POLR3A: variants seen among roughly 807,000 people sequenced by gnomAD.
POLR3A encodes the protein RNA polymerase III subunit A, also known as DNA-directed RNA polymerase III subunit RPC1.
Under a neutral mutation model 152.8 loss-of-function variants are expected in POLR3A, and 112 were observed. That is an observed-to-expected ratio of 0.73 (90% confidence interval 0.63 to 0.86). The LOEUF (loss-of-function observed/expected upper bound fraction) is 0.86, where lower values mean the gene tolerates loss of function less well. Ranked by LOEUF, POLR3A falls within the 40% of genes least tolerant of loss-of-function variation. The pLI is 0.00. For missense variants in POLR3A, 1,385 were observed against 1,743.1 expected (o/e 0.79, Z 3.66); for synonymous variants, 615 against 652.1 (o/e 0.94, Z 0.87).
At chr10:78,021,831 G>A in intron 7 of POLR3A, 29 bp downstream of exon 7, 1 of 1,612,806 alleles carries the variant, frequency 6.2e-7, no homozygotes. Context: ...AGAGTGGGCT[G>A]GCTTCTGCAC....
intron 15 of POLR3A, among the ~76,000 whole-genome samples, chr10:78,006,767 T>C (rs181017864): frequency 5.9e-5 from 9 of 152,186 alleles, no homozygotes; most frequent in African/African-American, 1.4e-4. Context: ...CAAAGGTATA[T>C]TGTTGTGAAC....
At chr10:78,012,847 G>C (rs1050393082) in intron 11 of POLR3A, among the ~76,000 whole-genome samples, 2 of 152,058 alleles carry the variant, frequency 1.3e-5, no homozygotes, top group African/African-American at 4.8e-5. Context: ...TCAGCTTCCT[G>C]AGTAGCTGGG....
intron 15 of POLR3A, among the ~76,000 whole-genome samples, chr10:78,007,122 A>G (rs1221893527): frequency 6.6e-6 from 1 of 152,162 alleles, no homozygotes; most frequent in Non-Finnish European, 1.5e-5. Flanking sequence ...GAACGACAAT[A>G]CCTGTTAACA....
chr10:77,991,671 C>T (rs1211964432), intron 20 of POLR3A, among the ~76,000 whole-genome samples: 6 of 152,044 alleles, frequency 3.9e-5, no homozygotes, highest in East Asian at 3.9e-4. Context: ...TACAGGCATG[C>T]GCCACCACGT....
Position 78,000,020 on chromosome 10 carries a change from G to A in POLR3A, c.2577C>T (p.Val859=), listed in dbSNP as rs142657005. ...TTTCAGCTGTCTTTACAGCCGTGTC[G>A]ACTAGACCTTCCCGGCCGGCCATTG... ...FHTMAGREGL[V]DTAVKTAETG... is the part of the protein sequence containing the mutation. Residue 859 remains valine, a synonymous_variant, in exon 19 of 31, where the codon GTC becomes GTT. Coordinates refer to ENST00000372371, the MANE Select transcript of POLR3A (RefSeq NM_007055.4). The A allele has an allele frequency of 5.6e-6, 9 of 1,613,916 alleles. No homozygotes were observed. The highest frequency in any genetic ancestry group is 5.3e-5 in the African/African-American group (4 of 74,898).
At chr10:78,024,939 C>A in intron 4 of POLR3A, 32 bp downstream of exon 4, 1 of 1,610,102 alleles carries the variant, frequency 6.2e-7, no homozygotes, top group Non-Finnish European at 8.5e-7. Flanking sequence ...GTGAAAAGGG[C>A]TATTGCTTAG....
At chr10:77,978,397 G>A (rs920351843) in intron 30 of POLR3A, among the ~76,000 whole-genome samples, 2 of 152,186 alleles carry the variant, frequency 1.3e-5, no homozygotes, top group African/African-American at 4.8e-5. Context: ...GAAGGACCAG[G>A]AGGAGGGGAA....
At chr10:78,027,771 C>G (rs1847651536) in intron 1 of POLR3A, among the ~76,000 whole-genome samples, 1 of 152,150 alleles carries the variant, frequency 6.6e-6, no homozygotes, top group African/African-American at 2.4e-5. Flanking sequence ...ATTGGCCAGT[C>G]TGGTCTTGAA....
chr10:78,016,616 A>T (rs2131954656), intron 10 of POLR3A, among the ~76,000 whole-genome samples: 1 of 151,846 alleles, frequency 6.6e-6, no homozygotes, highest in African/African-American at 2.4e-5. Context: ...TGAGAGGCTA[A>T]GGCAGGAGAC....
chr10:78,024,859 C>T, intron 4 of POLR3A, 112 bp downstream of exon 4: 1 of 1,442,194 alleles, frequency 6.9e-7, no homozygotes, highest in South Asian at 1.2e-5. Context: ...GCTCTTAAGC[C>T]TAATTTATAA....
At chr10:78,022,430 T>C (rs1039337950) in intron 5 of POLR3A, 46 bp from the exon 6 acceptor site, 2 of 1,605,806 alleles carry the variant, frequency 1.2e-6, no homozygotes, top group Non-Finnish European at 1.7e-6. Flanking sequence ...ATGTTAGTTT[T>C]CCATAGCTTG....
chr10:77,983,879 A>G (rs761002672), intron 26 of POLR3A, 41 bp downstream of exon 26: 15 of 1,279,376 alleles, frequency 1.2e-5, no homozygotes, highest in South Asian at 9.6e-5. Flanking sequence ...TCTTGGGACT[A>G]ACAGGATGAC....
chr10:77,996,339 C>A (rs572336810), intron 19 of POLR3A, among the ~76,000 whole-genome samples: 1 of 152,008 alleles, frequency 6.6e-6, no homozygotes, highest in Non-Finnish European at 1.5e-5. Context: ...ACTAGAGACA[C>A]AAAAAACCCT....
intron 11 of POLR3A, among the ~76,000 whole-genome samples, chr10:78,011,257 C>G (rs1847463972): frequency 6.6e-6 from 1 of 152,108 alleles, no homozygotes; most frequent in South Asian, 2.1e-4. Flanking sequence ...ACAATGATGA[C>G]AGAACTGTTA....
At chr10:77,989,641 C>T (rs868058480) in intron 21 of POLR3A, among the ~76,000 whole-genome samples, 14 of 152,238 alleles carry the variant, frequency 9.2e-5, no homozygotes, top group East Asian at 5.8e-4. Flanking sequence ...TTGCCAGAAC[C>T]GGGACAGAAA....
chr10:78,013,799 C>T lies in POLR3A; in HGVS notation c.1432-9G>A, dbSNP rs770419842. ...TGGGGCTTGACCCTGGCCTGTGGAA[C>T]ACAAAACAAAACAAAACAGGAAGAG... On this transcript the variant is annotated splice_polypyrimidine_tract_variant and intron_variant, in intron 10 of 30. Coordinates refer to ENST00000372371, the MANE Select transcript of POLR3A (RefSeq NM_007055.4). 6.2e-7 allele frequency: 1 copy of T among 1,614,034 alleles called. No homozygotes were observed. The highest frequency in any genetic ancestry group is 2.2e-5 in the East Asian group (1 of 44,886).
Position 78,025,686 on chromosome 10 carries a change from T to C in POLR3A, c.254A>G (p.Tyr85Cys). The C allele has an allele frequency of 3.7e-6, 6 of 1,613,996 alleles. No homozygotes were observed. Among genetic ancestry groups the C allele is most frequent in the Non-Finnish European group, 5.1e-6 (6 of 1,179,886 alleles). Residue 85 changes from tyrosine (Y) to cysteine (C), a missense_variant, in exon 3 of 31, where the codon TAT (tyrosine) becomes TGT (cysteine). Coordinates refer to ENST00000372371, the MANE Select transcript of POLR3A (RefSeq NM_007055.4). Reference sequence around the variant, plus strand: ...AAAACACGGCAACTCCAGGTCGATATACCCATAGTGGCCTAGACAGTCAGC... The same window carrying C: ...AAAACACGGCAACTCCAGGTCGATACACCCATAGTGGCCTAGACAGTCAGC... ...NLADCLGHYG[Y>C]IDLELPCFHV...
At chr10:77,992,589 C>T (rs750862041) in intron 20 of POLR3A, among the ~76,000 whole-genome samples, 8 of 151,616 alleles carry the variant, frequency 5.3e-5, no homozygotes, top group South Asian at 2.1e-4. Flanking sequence ...ATTATAGGCA[C>T]GTACCACCAC....
chr10:78,026,544 G>T (rs554508251), intron 1 of POLR3A, among the ~76,000 whole-genome samples: 1 of 152,258 alleles, frequency 6.6e-6, no homozygotes, highest in African/African-American at 2.4e-5. Flanking sequence ...GCCCAATCCT[G>T]AAGTGCTTTT....
Sources: allele counts gnomAD v4.1 joint callset (sites outside exome capture counted in the v4.1 genomes callset), GRCh38; gene constraint gnomAD v4.1.1; transcripts MANE v1.5; gene names NCBI Gene and HGNC (gene_info 2026-07-23, HGNC 2026-07-21).